The following STX1B variants were observed in gnomAD, a reference collection of about 807,000 sequenced individuals.
STX1B encodes syntaxin 1B, also known as syntaxin-1B.
In STX1B, 7 loss-of-function variants were observed where a neutral mutation model predicts 39.4. That is an observed-to-expected ratio of 0.18 (90% confidence interval 0.10 to 0.33). The LOEUF (loss-of-function observed/expected upper bound fraction) is 0.33. STX1B is among the 10% of genes least tolerant of loss of function. STX1B has a pLI of 1.00. For missense variants in STX1B, 198 were observed against 383.2 expected (o/e 0.52, Z 4.04); for synonymous variants, 136 against 144.1 (o/e 0.94, Z 0.40).
In STX1B at chr16:31,001,619, G is replaced by C; in HGVS notation, c.31-16C>G. The C allele has an allele frequency of 6.2e-7, 1 of 1,610,162 alleles. No homozygotes were observed. The highest frequency in any genetic ancestry group is 1.1e-5 in the South Asian group (1 of 90,790). On this transcript the variant is annotated splice_polypyrimidine_tract_variant and intron_variant, in intron 1 of 9. Coordinates refer to ENST00000215095, the MANE Select transcript of STX1B (RefSeq NM_052874.5). The surrounding 1 kb of genome is among the most constrained non-coding windows in gnomAD (Gnocchi z 5.5). ...TGTCTTTCGCCTGGGGACAAGGAAG[G>C]CTGAGTCCATGAGCAGGCCCTACCT...
Position 30,989,502 on chromosome 16 carries a change from G to A in STX1B, c.*3319C>T, listed in dbSNP as rs2056536271. ...GCCCCAGCCAGGCCCCAGGAGTCCT[G>A]TCCCCTCTGAGAAGGGGAGGGAGAG... On this transcript the variant is annotated 3_prime_UTR_variant, in exon 10 of 10. Transcript: ENST00000215095. 6.6e-6 allele frequency: 1 copy of A among 152,178 alleles called. No individual in the cohort carries two copies. Among genetic ancestry groups the A allele is most frequent in the South Asian group, 2.1e-4 (1 of 4,828 alleles). 9.4% of individuals were successfully genotyped at this position (152,178 alleles called of 1,614,324 possible). A position where few individuals can be genotyped will look rare whatever the true frequency, so the allele number is the denominator to read the frequency against.
At chr16:31,003,904 G>A (rs1309504391) in intron 1 of STX1B, among the ~76,000 whole-genome samples, 6 of 152,216 alleles carry the variant, frequency 3.9e-5, no homozygotes, top group East Asian at 1.9e-4. Context: ...TTTCACAGAT[G>A]AGGGAACAGG....
In STX1B at chr16:31,004,401, T is replaced by C. The variant is rs190824230; in HGVS notation, c.31-2798A>G. On this transcript the variant is annotated intron_variant, in intron 1 of 9. Coordinates refer to ENST00000215095, the MANE Select transcript of STX1B (RefSeq NM_052874.5). ...AGAGCTAAATAACTCAGGCCAGTTG[T>C]AGTGGCTCACGCCTGTAATCCCAGC... is the stretch of plus-strand genomic sequence containing the variant. 5.2e-3 allele frequency among the ~76,000 whole-genome samples: 799 copies of C among 152,304 alleles called. 5 individuals carry two copies. Among genetic ancestry groups the C allele is most frequent in the Non-Finnish European group, 8.5e-3 (575 of 68,024 alleles).
intron 1 of STX1B, among the ~76,000 whole-genome samples, chr16:31,006,171 C>T (rs2056654231): frequency 6.6e-6 from 1 of 152,094 alleles, no homozygotes; most frequent in Admixed American, 6.6e-5. Context: ...ACGGGCTTCC[C>T]ATGCTCCTCA....
At chr16:30,997,405 G>GC in intron 5 of STX1B, 97 bp downstream of exon 5, 1 of 492,268 alleles carries the variant, frequency 2.0e-6, no homozygotes, top group Non-Finnish European at 3.5e-6. Flanking sequence ...CCCTGACCAC[G>GC]CCCCCGCCGG....
chr16:31,004,346 C>T (rs1034293771), intron 1 of STX1B, among the ~76,000 whole-genome samples: 5 of 152,068 alleles, frequency 3.3e-5, no homozygotes, highest in Non-Finnish European at 5.9e-5. Context: ...TTATTATAGC[C>T]CCCTTTTATA....
intron 1 of STX1B, among the ~76,000 whole-genome samples, chr16:31,005,021 T>C (rs140905639): frequency 4.2e-4 from 64 of 152,192 alleles, no homozygotes; most frequent in African/African-American, 1.5e-3. Flanking sequence ...AGAAAATCAG[T>C]AGGAGGGGCC....
In STX1B at chr16:30,990,899, G is replaced by T. The variant is rs1227941092; in HGVS notation, c.*1922C>A. ...AGGGTTCAGCAGGAGAGGTGTCGGG[G>T]ATGGGTCTCAGGACCCAGCCCACCC... On this transcript the variant is annotated 3_prime_UTR_variant, in exon 10 of 10. Coordinates refer to ENST00000215095, the MANE Select transcript of STX1B (RefSeq NM_052874.5). 2.0e-5 allele frequency: 3 copies of T among 152,202 alleles called. No homozygotes were observed. Among genetic ancestry groups the T allele is most frequent in the Non-Finnish European group, 2.9e-5 (2 of 68,026 alleles). The allele number at this position is 152,202 out of a possible 1,614,324, so 9.4% of individuals were successfully genotyped here. A position where few individuals can be genotyped will look rare whatever the true frequency, so the allele number is the denominator to read the frequency against.
chr16:31,006,837 G>T (rs1468263071), intron 1 of STX1B, among the ~76,000 whole-genome samples: 1 of 152,202 alleles, frequency 6.6e-6, no homozygotes, highest in Non-Finnish European at 1.5e-5. Context: ...AGTGCCAGCC[G>T]AGCGCGGTGG....
At chr16:30,999,890 A>C (rs2056615129) in intron 4 of STX1B, among the ~76,000 whole-genome samples, 1 of 152,184 alleles carries the variant, frequency 6.6e-6, no homozygotes, top group Admixed American at 6.5e-5. Flanking sequence ...AACTGGAGCA[A>C]GGGGGAAAGC....
At position 30,991,126 on chromosome 16, in the gene STX1B, T is replaced by G. The variant is rs151103436; in HGVS notation, c.*1695A>C. The G allele has an allele frequency of 1.3e-5, 2 of 152,842 alleles. No homozygotes were observed. Among genetic ancestry groups the G allele is most frequent in the East Asian group, 3.9e-4 (2 of 5,176 alleles). 9.5% of individuals were successfully genotyped at this position (152,842 alleles called of 1,614,324 possible). A position where few individuals can be genotyped will look rare whatever the true frequency, so the allele number is the denominator to read the frequency against. On this transcript the variant is annotated 3_prime_UTR_variant, in exon 10 of 10. Coordinates refer to ENST00000215095, the MANE Select transcript of STX1B (RefSeq NM_052874.5). ...GCAGGGAAGTCCTTGGCATCTTGCC[T>G]CATCAGTAACATTCCTACAAGTAGC... is the stretch of plus-strand genomic sequence containing the variant.
At position 31,007,669 on chromosome 16, in the gene STX1B, C is replaced by G. The variant is rs184943750; in HGVS notation, c.30+2698G>C. On this transcript the variant is annotated intron_variant, in intron 1 of 9. Coordinates refer to ENST00000215095, the MANE Select transcript of STX1B (RefSeq NM_052874.5). ...GGACAAGTCAGGTTTTTTTTACCCC[C>G]TCTGGCCCTCAATGTACTCCAAAAT... Among the ~76,000 whole-genome samples, 30 of 152,268 alleles carry G rather than the reference C, an allele frequency of 2.0e-4. No individual in the cohort carries two copies. In the East Asian group the frequency reaches 5.6e-3, roughly 28 times the overall value.
intron 5 of STX1B, 131 bp downstream of exon 5, chr16:30,997,370 GC>G: frequency 1.8e-6 from 1 of 562,904 alleles, no homozygotes; most frequent in South Asian, 2.0e-5. Context: ...CTCTAGCCTC[GC>G]CCCCAGAGCC....
chr16:31,004,417 T>TA (rs1158481787), intron 1 of STX1B, among the ~76,000 whole-genome samples: 1 of 152,166 alleles, frequency 6.6e-6, no homozygotes, highest in African/African-American at 2.4e-5. Flanking sequence ...CTCACGCCTG[T>TA]AATCCCAGCA....
chr16:31,002,567 T>C (rs2056635975), intron 1 of STX1B, among the ~76,000 whole-genome samples: 1 of 152,238 alleles, frequency 6.6e-6, no homozygotes, highest in South Asian at 2.1e-4. Context: ...GAGGGCTCAC[T>C]GGGCTTGTTC....
intron 1 of STX1B, among the ~76,000 whole-genome samples, chr16:31,005,892 C>T (rs1033363042): frequency 6.6e-6 from 1 of 152,070 alleles, no homozygotes; most frequent in Non-Finnish European, 1.5e-5. Context: ...TCCTCAGGGG[C>T]CCCCTAAGTC....
intron 4 of STX1B, among the ~76,000 whole-genome samples, chr16:30,998,449 C>A (rs1283494213): frequency 1.8e-4 from 28 of 152,210 alleles, no homozygotes; most frequent in Non-Finnish European, 1.5e-5. Context: ...ACACATGGCC[C>A]AGGGATATTG....
At chr16:30,994,291 CA>C (rs59732057) in intron 7 of STX1B, among the ~76,000 whole-genome samples, 131,442 of 134,672 alleles carry the variant, frequency 0.98, 64,163 homozygotes, top group East Asian at 1. Flanking sequence ...GACTCCGTCT[CA>C]AAAAAAAAAA....
At position 31,001,922 on chromosome 16, in the gene STX1B, G is replaced by T; in HGVS notation, c.31-319C>A. On this transcript the variant is annotated intron_variant, in intron 1 of 9. Coordinates refer to ENST00000215095, the MANE Select transcript of STX1B (RefSeq NM_052874.5). The surrounding 1 kb of genome is among the most constrained non-coding windows in gnomAD (Gnocchi z 5.5). ...TCAACAACGGCTCAACGTCAGGCTTGCAGTAACTGACCCTGGGCTCCATGA... is the reference window on the plus strand; with the variant it reads ...TCAACAACGGCTCAACGTCAGGCTTTCAGTAACTGACCCTGGGCTCCATGA... Among the ~76,000 whole-genome samples the T allele has an allele frequency of 6.6e-6, 1 of 152,144 alleles. No individual in the cohort carries two copies. Among genetic ancestry groups the T allele is most frequent in the Non-Finnish European group, 1.5e-5 (1 of 68,014 alleles).
Sources: allele counts gnomAD v4.1 joint callset (sites outside exome capture counted in the v4.1 genomes callset), GRCh38; gene constraint gnomAD v4.1.1; non-coding constraint Gnocchi (gnomAD v3.1); transcripts MANE v1.5; gene names NCBI Gene and HGNC (gene_info 2026-07-23, HGNC 2026-07-21).